PAPPA: variants seen among roughly 807,000 people sequenced by gnomAD.
PAPPA encodes pappalysin-1.
In PAPPA, 60 loss-of-function variants were observed where a neutral mutation model predicts 164.0. That is an observed-to-expected ratio of 0.37 (90% confidence interval 0.30 to 0.45). PAPPA has a LOEUF of 0.45. PAPPA is among the 20% of genes least tolerant of loss of function. PAPPA has a pLI of 1.00. For missense variants in PAPPA, 1,782 were observed against 2,087.3 expected, an observed-to-expected ratio of 0.85 and a Z score of 2.85; for synonymous variants, 875 against 814.1, an observed-to-expected ratio of 1.07 and a Z score of -1.27.
At position 116,362,654 on chromosome 9, in the gene PAPPA, C is replaced by T; in HGVS notation, c.4410C>T (p.Val1470=). 2 of 1,614,088 alleles carry T rather than the reference C, an allele frequency of 1.2e-6. No individual in the cohort carries two copies. The highest frequency in any genetic ancestry group is 2.2e-5 in the South Asian group (2 of 91,064). The stretch of plus-strand genomic sequence containing the variant: ...GCACCTGGAACGGCTCCTTCCATGT[C>T]TGCCAGGAGATGCAAGGCCAGTGCT... The part of the protein sequence containing the change: ...KDGTWNGSFH[V]CQEMQGQCSV... Residue 1470 remains valine (V), a synonymous_variant, in exon 18 of 22, where the codon GTC becomes GTT. Transcript: ENST00000328252.
At chr9:116,358,010 G>A (rs1443707215) in intron 17 of PAPPA, among the ~76,000 whole-genome samples, 3 of 152,118 alleles carry the variant, frequency 2.0e-5, no homozygotes, top group Admixed American at 6.6e-5. Context: ...CCCTGCCATG[G>A]ACAAGGTACA....
At chr9:116,251,810 C>G (rs1301093313) in intron 7 of PAPPA, among the ~76,000 whole-genome samples, 3 of 152,108 alleles carry the variant, frequency 2.0e-5, no homozygotes, top group Admixed American at 2.0e-4. Flanking sequence ...TTCCTCTCTC[C>G]CTTCTTTAAT....
chr9:116,196,449 G>A (rs1374320214), intron 2 of PAPPA, among the ~76,000 whole-genome samples: 2 of 152,218 alleles, frequency 1.3e-5, no homozygotes, highest in African/African-American at 4.8e-5. Flanking sequence ...TGCCCTTCCA[G>A]GTTAGGAAAC....
rs767284008 is a variant in PAPPA at position 116,271,384 on chromosome 9, T to C, written c.2921T>C (p.Phe974Ser). ...NKINGDGCSL[F>S]CRQEVSFNCI... ...ATCAATGGTGATGGCTGCTCCCTTT[T>C]CTGCCGACAAGAAGTCTCCTTCAAT... is the stretch of plus-strand genomic sequence containing the variant. Residue 974 changes from phenylalanine to serine, a missense_variant, in exon 9 of 22, where the codon TTC becomes TCC. Coordinates refer to ENST00000328252, the MANE Select transcript of PAPPA (RefSeq NM_002581.5). This position sits in a 1 kb window ranked among gnomAD's most constrained non-coding sequence, Gnocchi z 4.2. The C allele has an allele frequency of 2.7e-5, 44 of 1,613,840 alleles. No homozygotes were observed. Among genetic ancestry groups the C allele is most frequent in the Non-Finnish European group, 3.6e-5 (43 of 1,179,816 alleles).
intron 3 of PAPPA, 108 bp from the exon 4 acceptor site, chr9:116,211,531 C>T (rs1844306939): frequency 2.2e-6 from 2 of 911,298 alleles, no homozygotes; most frequent in African/African-American, 3.3e-5. Flanking sequence ...GGTGGAGAAG[C>T]TTGTGTTTAT....
intron 10 of PAPPA, among the ~76,000 whole-genome samples, chr9:116,321,216 A>C (rs1023429750): frequency 6.6e-6 from 1 of 151,664 alleles, no homozygotes; most frequent in East Asian, 1.9e-4. Context: ...TTTAGTAGAG[A>C]CAGGGTTTCA....
Position 116,401,642 on chromosome 9 carries a change from C to A in PAPPA, c.*5026C>A, listed in dbSNP as rs1847057734. On this transcript the variant is annotated 3_prime_UTR_variant, in exon 22 of 22. Coordinates refer to ENST00000328252, the MANE Select transcript of PAPPA (RefSeq NM_002581.5). The stretch of plus-strand genomic sequence containing the variant: ...TTACAAAATAAAACTGTGATCTCGT[C>A]TAGAGAAAATGTATTCATATTACAA... The A allele has an allele frequency of 6.6e-6, 1 of 151,184 alleles. No individual in the cohort carries two copies. Among genetic ancestry groups the A allele is most frequent in the Non-Finnish European group, 1.5e-5 (1 of 67,778 alleles). The allele number at this position is 151,184 out of a possible 1,614,324, so 9.4% of individuals were successfully genotyped here. A position where few individuals can be genotyped will look rare whatever the true frequency, so the allele number is the denominator to read the frequency against.
chr9:116,192,919 G>A (rs1844060492), intron 2 of PAPPA, among the ~76,000 whole-genome samples: 1 of 152,076 alleles, frequency 6.6e-6, no homozygotes, highest in African/African-American at 2.4e-5. Context: ...ACTGAGAGAG[G>A]ATATTGCAGC....
chr9:116,174,499 T>C (rs1295323074), intron 1 of PAPPA, among the ~76,000 whole-genome samples: 1 of 152,134 alleles, frequency 6.6e-6, no homozygotes, highest in East Asian at 1.9e-4. Context: ...TCCCCATTCC[T>C]CTTGGCTCCT....
At chr9:116,358,929 G>A (rs1846387754) in intron 17 of PAPPA, among the ~76,000 whole-genome samples, 1 of 152,312 alleles carries the variant, frequency 6.6e-6, no homozygotes, top group Middle Eastern at 3.4e-3. Context: ...CTCATCTGAC[G>A]ATTACAGAGC....
chr9:116,390,745 G>A (rs1015062701), intron 21 of PAPPA, among the ~76,000 whole-genome samples: 1 of 151,990 alleles, frequency 6.6e-6, no homozygotes, highest in African/African-American at 2.4e-5. Context: ...TATGGATGAA[G>A]TAGGCACTCA....
intron 13 of PAPPA, among the ~76,000 whole-genome samples, chr9:116,343,865 A>G (rs1846170890): frequency 6.6e-6 from 1 of 151,944 alleles, no homozygotes; most frequent in Non-Finnish European, 1.5e-5. Flanking sequence ...GGTTCAAGCT[A>G]TTCTCCTGCC....
At chr9:116,250,457 T>C (rs1039448533) in intron 7 of PAPPA, among the ~76,000 whole-genome samples, 18 of 152,192 alleles carry the variant, frequency 1.2e-4, no homozygotes, top group African/African-American at 3.9e-4. Context: ...CCATATGACT[T>C]GCGGCCATTT....
At chr9:116,386,524 C>T (rs758977424) in intron 21 of PAPPA, among the ~76,000 whole-genome samples, 20 of 152,206 alleles carry the variant, frequency 1.3e-4, no homozygotes, top group Non-Finnish European at 2.5e-4. Context: ...ACAGATGAAC[C>T]AGTCTGGGCT....
intron 5 of PAPPA, among the ~76,000 whole-genome samples, chr9:116,227,071 G>T (rs1376444956): frequency 6.6e-6 from 1 of 152,200 alleles, no homozygotes; most frequent in African/African-American, 2.4e-5. Flanking sequence ...AGAACGAAAT[G>T]GAGCAAGAGA....
At chr9:116,200,374 T>C (rs577342608) in intron 2 of PAPPA, among the ~76,000 whole-genome samples, 15 of 152,262 alleles carry the variant, frequency 9.9e-5, no homozygotes, top group Non-Finnish European at 1.8e-4. Flanking sequence ...TAACAGGAAG[T>C]AAGAGACTAA....
chr9:116,345,564 G>A (rs1846197271), intron 14 of PAPPA, among the ~76,000 whole-genome samples: 1 of 152,290 alleles, frequency 6.6e-6, no homozygotes, highest in East Asian at 1.9e-4. Context: ...ATTTAGTCAG[G>A]AAGTGTGGGG....
In PAPPA at chr9:116,154,700, G is replaced by C. The variant is rs554668553; in HGVS notation, c.415+113G>C. On this transcript the variant is annotated intron_variant, in intron 1 of 21. Coordinates refer to ENST00000328252, the MANE Select transcript of PAPPA (RefSeq NM_002581.5). The surrounding 1 kb of genome is among the most constrained non-coding windows in gnomAD (Gnocchi z 5.2). The stretch of plus-strand genomic sequence containing the variant: ...GGGGCTTGCGGGCGTGTCTGTGCGA[G>C]AGCTGCCCCGCGAGCGGCGCAGAGA... The C allele has an allele frequency of 1.1e-5, 13 of 1,186,246 alleles. No individual in the cohort carries two copies. Among genetic ancestry groups the C allele is most frequent in the Non-Finnish European group, 1.4e-5 (13 of 945,602 alleles). The allele number at this position is 1,186,246 out of a possible 1,614,324, so 73.5% of individuals were successfully genotyped here. A position where few individuals can be genotyped will look rare whatever the true frequency, so the allele number is the denominator to read the frequency against.
At position 116,295,921 on chromosome 9, in the gene PAPPA, T is replaced by C. The variant is rs995525459; in HGVS notation, c.2954-6836T>C. 2.6e-5 allele frequency among the ~76,000 whole-genome samples: 4 copies of C among 152,220 alleles called. No homozygotes were observed. The South Asian group carries it at 8.3e-4, about 31-fold the overall frequency. ...CAACAAGAAGCAGATGTTAGTATATTGATTAAATGAATGTATAGACTTCTC... is the reference window on the plus strand; with the variant it reads ...CAACAAGAAGCAGATGTTAGTATATCGATTAAATGAATGTATAGACTTCTC... On this transcript the variant is annotated intron_variant, in intron 9 of 21. Transcript: ENST00000328252.
Sources: allele counts gnomAD v4.1 joint callset (sites outside exome capture counted in the v4.1 genomes callset), GRCh38; gene constraint gnomAD v4.1.1; non-coding constraint Gnocchi (gnomAD v3.1); transcripts MANE v1.5; gene names NCBI Gene and HGNC (gene_info 2026-07-23, HGNC 2026-07-21).